The following NFATC1 variants were observed in gnomAD, a reference collection of about 807,000 sequenced individuals.
NFATC1 encodes nuclear factor of activated T cells 1.
Under a neutral mutation model 76.0 loss-of-function variants are expected in NFATC1, and 22 were observed. That is an observed-to-expected ratio of 0.29 (90% confidence interval 0.21 to 0.41). NFATC1 has a LOEUF of 0.41. Ranked by LOEUF, NFATC1 falls within the 10% of genes least tolerant of loss-of-function variation. NFATC1 has a pLI of 1.00. For missense variants in NFATC1, 1,357 were observed against 1,337.7 expected (o/e 1.01, Z -0.23); for synonymous variants, 704 against 613.1 (o/e 1.15, Z -2.19).
chr18:79,525,868 G>T (rs1003151509), intron 9 of NFATC1, among the ~76,000 whole-genome samples: 5 of 152,236 alleles, frequency 3.3e-5, no homozygotes, highest in Non-Finnish European at 7.3e-5. Flanking sequence ...GACGTCTTTT[G>T]TAGCAAGGCT....
chr18:79,486,744 C>T lies in NFATC1; in HGVS notation c.2589C>T (p.Pro863=), dbSNP rs373690914. Residue 863 remains proline, a synonymous_variant, in exon 9 of 10, where the codon CCC becomes CCT. Coordinates refer to ENST00000427363, the MANE Select transcript of NFATC1 (RefSeq NM_001278669.2). ...PATQEPTCLQ[P]CSPACPPATG... ...CCCAAGAGCCGACCTGCCTGCAGCC[C>T]TGCAGCCCAGCGTGCCCGCCCGCCA... 1.2e-6 allele frequency: 2 copies of T among 1,602,206 alleles called. No individual in the cohort carries two copies. The highest frequency in any genetic ancestry group is 1.1e-5 in the South Asian group (1 of 90,390).
chr18:79,511,488 G>A (rs1262901913), intron 9 of NFATC1, among the ~76,000 whole-genome samples: 1 of 152,234 alleles, frequency 6.6e-6, no homozygotes, highest in Non-Finnish European at 1.5e-5. Flanking sequence ...TTAAGCCAGG[G>A]GAGGGCGGCA....
intron 3 of NFATC1, among the ~76,000 whole-genome samples, chr18:79,445,730 GC>G (rs1237652137): frequency 8.5e-5 from 13 of 152,212 alleles, no homozygotes; most frequent in Non-Finnish European, 1.9e-4. Context: ...CTGCTCCTGT[GC>G]CCTGCCTGGA....
At chr18:79,411,679 C>T (rs2085691418) in intron 2 of NFATC1, among the ~76,000 whole-genome samples, 178 bp downstream of exon 2, 1 of 152,182 alleles carries the variant, frequency 6.6e-6, no homozygotes, top group Non-Finnish European at 1.5e-5. Context: ...CCCATGTCTG[C>T]CTCCTCATGC....
At position 79,486,643 on chromosome 18, in the gene NFATC1, C is replaced by T; in HGVS notation, c.2488C>T (p.Pro830Ser). 1 of 1,603,322 alleles carries T rather than the reference C, an allele frequency of 6.2e-7. No individual in the cohort carries two copies. The highest frequency in any genetic ancestry group is 1.7e-5 in the Admixed American group (1 of 59,684). ...GCTGCCACAGCAGGTGAGTGCGCCT[C>T]CAAGCAGTAGCTGCCCCCCTGGTCT... ...ALLPQQVSAP[P>S]SSSCPPGLEH... The change falls in exon 9 of 10, where the codon CCA becomes TCA. Residue 830 changes from proline (P) to serine (S), a missense_variant. Coordinates refer to ENST00000427363, the MANE Select transcript of NFATC1 (RefSeq NM_001278669.2).
chr18:79,435,719 C>G (rs902713590), intron 3 of NFATC1, among the ~76,000 whole-genome samples: 1 of 152,152 alleles, frequency 6.6e-6, no homozygotes, highest in Non-Finnish European at 1.5e-5. Flanking sequence ...CTGGAGGACT[C>G]AGGAAACTTG....
At chr18:79,464,602 G>GACACACACAC (rs57175022) in intron 7 of NFATC1, among the ~76,000 whole-genome samples, 5,557 of 142,822 alleles carry the variant, frequency 0.039, 364 homozygotes, top group African/African-American at 0.13. Flanking sequence ...TGTTCACGCA[G>GACACACACAC]ACACACACAC....
chr18:79,430,319 T>A (rs1367073186), intron 2 of NFATC1, among the ~76,000 whole-genome samples: 4 of 152,212 alleles, frequency 2.6e-5, no homozygotes. Flanking sequence ...TCTCGCTGTC[T>A]CTTCTCTGTC....
intron 8 of NFATC1, among the ~76,000 whole-genome samples, chr18:79,481,201 A>G (rs1006232167): frequency 2.0e-5 from 3 of 152,232 alleles, no homozygotes; most frequent in Admixed American, 6.5e-5. Context: ...GATTTACCAC[A>G]TGCTTCAAGC....
chr18:79,424,923 C>T (rs1056355125), intron 2 of NFATC1, among the ~76,000 whole-genome samples: 1 of 140,032 alleles, frequency 7.1e-6, no homozygotes, highest in African/African-American at 2.5e-5. Context: ...CGCTCTGTCT[C>T]TCTGTGTCTC....
chr18:79,506,752 C>T (rs549395808), intron 9 of NFATC1, among the ~76,000 whole-genome samples: 3 of 152,244 alleles, frequency 2.0e-5, no homozygotes, highest in South Asian at 4.2e-4. Context: ...TTTAGAAACA[C>T]AGACGGGAGC....
At chr18:79,416,501 G>A (rs2085880472) in intron 2 of NFATC1, among the ~76,000 whole-genome samples, 1 of 141,078 alleles carries the variant, frequency 7.1e-6, no homozygotes, top group African/African-American at 2.8e-5. Flanking sequence ...TGGGCCCTTT[G>A]GGGTGATGGT....
At chr18:79,412,468 C>CA (rs1326873581) in intron 2 of NFATC1, among the ~76,000 whole-genome samples, 1 of 151,798 alleles carries the variant, frequency 6.6e-6, no homozygotes, top group Non-Finnish European at 1.5e-5. Context: ...CCCCACCCCC[C>CA]ACTCCTTTTT....
chr18:79,404,055 C>T (rs1054501723), intron 1 of NFATC1, among the ~76,000 whole-genome samples: 8 of 152,178 alleles, frequency 5.3e-5, no homozygotes, highest in African/African-American at 1.9e-4. Flanking sequence ...AGTTCTGTGT[C>T]GTGTTTTTCA....
intron 7 of NFATC1, among the ~76,000 whole-genome samples, chr18:79,463,074 C>T (rs1461907183): frequency 6.6e-6 from 1 of 152,214 alleles, no homozygotes. Context: ...ACTTCAGCGC[C>T]CTTCCCCCAA....
intron 9 of NFATC1, among the ~76,000 whole-genome samples, chr18:79,503,878 A>G (rs9962730): frequency 0.16 from 23,866 of 152,208 alleles, 3,027 homozygotes; most frequent in African/African-American, 0.35. Flanking sequence ...TTGCTGCTTC[A>G]TCTTTGCTTT....
intron 2 of NFATC1, among the ~76,000 whole-genome samples, chr18:79,425,047 G>A (rs58811727): frequency 0.011 from 1,544 of 137,294 alleles, 32 homozygotes; most frequent in African/African-American, 0.039. Flanking sequence ...CTCTCTCTCC[G>A]TCTCTGTTTC....
At chr18:79,500,361 CAT>C (rs1311998737) in intron 9 of NFATC1, among the ~76,000 whole-genome samples, 2 of 152,004 alleles carry the variant, frequency 1.3e-5, no homozygotes, top group African/African-American at 4.8e-5. Context: ...GAAAACACAA[CAT>C]ATCAAAATTT....
At position 79,433,565 on chromosome 18, in the gene NFATC1, C is replaced by T. The variant is rs1176766288; in HGVS notation, c.1227-14C>T. The T allele has an allele frequency of 6.2e-7, 1 of 1,612,808 alleles. No individual in the cohort carries two copies. The highest frequency in any genetic ancestry group is 8.5e-7 in the Non-Finnish European group (1 of 1,179,930). On this transcript the variant is annotated splice_polypyrimidine_tract_variant and intron_variant, in intron 2 of 9. Transcript: ENST00000427363. ...TGTGGTGCTGAACGCCTCCTCTGCT[C>T]TGTTCCCTTCCAGCCCGACCCTGCC... is the stretch of plus-strand genomic sequence containing the variant.
Sources: gnomAD v4.1 joint callset for allele counts (sites outside exome capture counted in the v4.1 genomes callset) on GRCh38, gnomAD v4.1.1 for gene constraint, MANE v1.5 for transcripts, NCBI Gene and HGNC (gene_info 2026-07-23, HGNC 2026-07-21) for gene names.